RGPD1: variants seen among roughly 807,000 people sequenced by gnomAD.
RGPD1 encodes RANBP2 like and GRIP domain containing 1.
RGPD1 carries 7 observed loss-of-function variants against 40.6 expected under a neutral mutation model. The ratio of observed to expected loss-of-function variants is 0.17; its 90% CI spans 0.10 to 0.32. The LOEUF (loss-of-function observed/expected upper bound fraction) is 0.32, where lower values mean the gene tolerates loss of function less well. Among genes scored for constraint, RGPD1 ranks in the 10% least tolerant of loss-of-function variants. The pLI, the probability that RGPD1 is intolerant of heterozygous loss-of-function variation, is 1.00. For synonymous variants in RGPD1, 24 were observed against 167.0 expected (o/e 0.14, Z 6.60); for missense variants, 50 against 472.5 (o/e 0.11, Z 8.29).
At chr2:86,925,233 TTA>T (rs1553444171) in intron 1 of RGPD1, among the ~76,000 whole-genome samples, 18 of 151,618 alleles carry the variant, frequency 1.2e-4, no homozygotes, top group African/African-American at 4.1e-4. Context: ...GCAGAATTTT[TTA>T]TTTTAGTTAT....
chr2:86,945,041 T>TA (rs1170415303), intron 1 of RGPD1, among the ~76,000 whole-genome samples: 2,357 of 139,466 alleles, frequency 0.017, 56 homozygotes, highest in African/African-American at 0.054. Flanking sequence ...TAAACAAGCT[T>TA]AAAAAAAAAA....
chr2:86,930,452 T>A, intron 1 of RGPD1: 1 of 1,460,906 alleles, frequency 6.8e-7, no homozygotes, highest in Non-Finnish European at 9.4e-7. Context: ...CCCCATGGCA[T>A]GCCCCATGAT....
intron 6 of RGPD1, among the ~76,000 whole-genome samples, chr2:86,960,212 C>T (rs562794818): frequency 1.1e-5 from 1 of 95,008 alleles, no homozygotes; most frequent in South Asian, 3.4e-4. Context: ...TGGTGCCACC[C>T]TAGGCAGTTT....
At chr2:86,913,737 T>C, upstream of RGPD1, 2 of 1,357,988 alleles carry the variant, frequency 1.5e-6, no homozygotes, top group Non-Finnish European at 2.0e-6. Flanking sequence ...TGCGTCACAG[T>C]GGTCCTCCGC....
intron 1 of RGPD1, among the ~76,000 whole-genome samples, chr2:86,929,502 A>G (rs1426945680): frequency 1.3e-5 from 2 of 151,908 alleles, no homozygotes; most frequent in Non-Finnish European, 2.9e-5. Context: ...AGCACTTGCT[A>G]TGTGACAAGT....
At chr2:86,925,246 C>T (rs1232215838) in intron 1 of RGPD1, among the ~76,000 whole-genome samples, 7 of 151,428 alleles carry the variant, frequency 4.6e-5, no homozygotes, top group Non-Finnish European at 8.8e-5. Context: ...TTTTAGTTAT[C>T]CAATGTATCA....
At chr2:86,944,634 A>T (rs1680199481) in intron 1 of RGPD1, among the ~76,000 whole-genome samples, 1 of 152,016 alleles carries the variant, frequency 6.6e-6, no homozygotes, top group South Asian at 2.1e-4. Flanking sequence ...GCTGTTCTTG[A>T]ACTCCTGGGC....
intron 1 of RGPD1, among the ~76,000 whole-genome samples, chr2:86,943,776 C>T (rs573484156): frequency 4.6e-5 from 7 of 152,202 alleles, no homozygotes; most frequent in South Asian, 2.1e-4. Context: ...TTTGGGAGGC[C>T]GAGGAGGGCG....
At chr2:86,944,007 CCAAAAAAAAA>C (rs1367318182) in intron 1 of RGPD1, among the ~76,000 whole-genome samples, 2 of 150,432 alleles carry the variant, frequency 1.3e-5, no homozygotes, top group South Asian at 2.1e-4. Context: ...GAGGGAGACT[CCAAAAAAAAA>C]CAAAAAAAAA....
chr2:86,930,545 G>A, intron 1 of RGPD1: 1 of 1,574,804 alleles, frequency 6.3e-7, no homozygotes, highest in Non-Finnish European at 8.7e-7. Context: ...CCCAACAGCA[G>A]CTAAAGAGGA....
At chr2:86,941,891 T>C (rs1419869722), upstream of RGPD1, among the ~76,000 whole-genome samples, 3 of 151,760 alleles carry the variant, frequency 2.0e-5, no homozygotes, top group South Asian at 2.1e-4. Flanking sequence ...TTTGTATTTT[T>C]AGTAGAGATG....
chr2:86,931,929 T>TTA (rs113403396), intron 1 of RGPD1, among the ~76,000 whole-genome samples: 314 of 147,758 alleles, frequency 2.1e-3, no homozygotes, highest in African/African-American at 7.2e-3. Context: ...AATATATTCA[T>TTA]TATATATATA....
chr2:86,942,623 C>G (rs906463307), intron 1 of RGPD1, among the ~76,000 whole-genome samples: 1 of 135,768 alleles, frequency 7.4e-6, no homozygotes, highest in Non-Finnish European at 1.6e-5. Flanking sequence ...TGCTCCCTGG[C>G]GCGCTCTGTT....
At chr2:86,929,023 A>ACTG (rs1678708378) in intron 1 of RGPD1, among the ~76,000 whole-genome samples, 1 of 141,158 alleles carries the variant, frequency 7.1e-6, no homozygotes, top group Non-Finnish European at 1.5e-5. Flanking sequence ...GGGTTTGCAA[A>ACTG]CTGGTGGGCT....
chr2:86,918,453 CTTTTTTTTTT>C (rs1160123598), intron 1 of RGPD1, among the ~76,000 whole-genome samples: 1 of 78,110 alleles, frequency 1.3e-5, no homozygotes, highest in Admixed American at 1.5e-4. Context: ...CACACCAAAT[CTTTTTTTTTT>C]TTTTTTTTTT....
chr2:86,931,725 G>C (rs1214936308), intron 1 of RGPD1, among the ~76,000 whole-genome samples: 2 of 151,296 alleles, frequency 1.3e-5, no homozygotes, highest in Non-Finnish European at 2.9e-5. Flanking sequence ...GTTCCAAGTA[G>C]TTTCTAAAGA....
chr2:86,955,850 C>T (rs1680689454), intron 4 of RGPD1, among the ~76,000 whole-genome samples: 1 of 141,674 alleles, frequency 7.1e-6, no homozygotes, highest in Non-Finnish European at 1.5e-5. Context: ...AAACATAACT[C>T]CCATATTGGG....
At position 86,915,517 on chromosome 2, in the gene RGPD1, T is replaced by C. The variant is rs1403026724; in HGVS notation, c.72+1596T>C. Among the ~76,000 whole-genome samples, 3 of 91,988 alleles carry C rather than the reference T, an allele frequency of 3.3e-5. No individual in the cohort carries two copies. In the Admixed American group the frequency reaches 3.7e-4, roughly 11 times the overall value. 60.3% of individuals were successfully genotyped at this position (91,988 alleles called of 152,430 possible). On this transcript the variant is annotated intron_variant, in intron 1 of 22. Transcript: ENST00000398193. ...AAATTAAATAAATAAAAACAAAAAA[T>C]CTTACCCCTTTATAGCCAAATAGAA...
upstream of RGPD1, among the ~76,000 whole-genome samples, chr2:86,939,219 T>G (rs931307710): frequency 1.8e-5 from 2 of 114,120 alleles, no homozygotes; most frequent in Non-Finnish European, 3.6e-5. Context: ...AAATCCGTAA[T>G]AAATGCAGAA....
Sources: allele counts gnomAD v4.1 joint callset (sites outside exome capture counted in the v4.1 genomes callset), GRCh38; gene constraint gnomAD v4.1.1; transcripts MANE v1.5; gene names NCBI Gene and HGNC (gene_info 2026-07-23, HGNC 2026-07-21).